The following SH3BP5 variants were observed in gnomAD, a reference collection of about 807,000 sequenced individuals.
The protein encoded by SH3BP5 is SH3 domain-binding protein 5.
SH3BP5 carries 22 observed loss-of-function variants against 43.3 expected under a neutral mutation model. That is an observed-to-expected ratio of 0.51 (90% CI 0.36 to 0.73). The LOEUF (loss-of-function observed/expected upper bound fraction) is 0.73, where lower values mean the gene tolerates loss of function less well. SH3BP5 is among the 30% of genes least tolerant of loss of function. SH3BP5 has a pLI of 0.00. For synonymous variants in SH3BP5, 255 were observed against 225.8 expected (o/e 1.13, Z -1.16); for missense variants, 529 against 586.9 (o/e 0.90, Z 1.02).
chr3:15,332,537 G>C lies in SH3BP5; in HGVS notation c.-129C>G, dbSNP rs114248730. 1,314 of 1,243,880 alleles carry C rather than the reference G, an allele frequency of 1.1e-3. 10 individuals carry two copies. In the African/African-American group the frequency reaches 0.017, roughly 17 times the overall value. The allele number at this position is 1,243,880 out of a possible 1,614,324, so 77.1% of individuals were successfully genotyped here. A position where few individuals can be genotyped will look rare whatever the true frequency, so the allele number is the denominator to read the frequency against. ...CGGGGAGCCGCCGGGGCCGACACCC[G>C]GGAGACGCAGCTCGCCGATGCGGAT... On this transcript the variant is annotated 5_prime_UTR_variant, in exon 1 of 9. Transcript: ENST00000383791.
chr3:15,274,532 C>T (rs1045734841), intron 3 of SH3BP5, among the ~76,000 whole-genome samples: 1 of 151,946 alleles, frequency 6.6e-6, no homozygotes, highest in Non-Finnish European at 1.5e-5. Context: ...CTCACTCTAT[C>T]GCCCAGGCTG....
chr3:15,306,125 G>A (rs1175676068), intron 2 of SH3BP5, among the ~76,000 whole-genome samples: 1 of 151,960 alleles, frequency 6.6e-6, no homozygotes, highest in African/African-American at 2.4e-5. Flanking sequence ...GGGAGGCCGA[G>A]ACGGGTGGAT....
chr3:15,308,562 T>C (rs1273025806), intron 2 of SH3BP5, among the ~76,000 whole-genome samples: 1 of 152,044 alleles, frequency 6.6e-6, no homozygotes. Context: ...AAGGGGGACA[T>C]TCGACCCTCC....
chr3:15,259,900 A>C, intron 5 of SH3BP5, 97 bp from the exon 6 acceptor site: 2 of 1,100,960 alleles, frequency 1.8e-6, no homozygotes, highest in Admixed American at 3.5e-5. Flanking sequence ...ACCACTGGCC[A>C]GGTCGTCCTT....
intron 5 of SH3BP5, chr3:15,260,091 T>C: frequency 2.2e-6 from 1 of 464,158 alleles, no homozygotes; most frequent in Non-Finnish European, 3.9e-6. Flanking sequence ...TTAGCTCATG[T>C]TCCTCCTCTG....
intron 1 of SH3BP5, among the ~76,000 whole-genome samples, chr3:15,340,008 G>A (rs898252634): frequency 2.6e-5 from 4 of 152,126 alleles, no homozygotes; most frequent in Non-Finnish European, 2.9e-5. Flanking sequence ...AAGGAGGAGA[G>A]AATACTTCTG....
chr3:15,323,376 A>G (rs1292600143), intron 2 of SH3BP5, among the ~76,000 whole-genome samples: 2 of 152,154 alleles, frequency 1.3e-5, no homozygotes, highest in African/African-American at 2.4e-5. Context: ...GCCAGGCCCC[A>G]TGGCCAGTTT....
intron 3 of SH3BP5, among the ~76,000 whole-genome samples, chr3:15,287,089 A>C (rs888199497): frequency 1.3e-5 from 2 of 152,160 alleles, no homozygotes; most frequent in Non-Finnish European, 2.9e-5. Context: ...TCACCTGCAA[A>C]ACACAGATAA....
intron 4 of SH3BP5, among the ~76,000 whole-genome samples, chr3:15,263,308 A>C (rs1393298909): frequency 6.6e-6 from 1 of 152,170 alleles, no homozygotes; most frequent in African/African-American, 2.4e-5. Context: ...TGGGAACCTA[A>C]GAGATGGGGA....
In SH3BP5 at chr3:15,256,938, C is replaced by A. The variant is rs746896347; in HGVS notation, c.1065G>T (p.Leu355=). Residue 355 remains leucine (L), a synonymous_variant, in exon 8 of 9, where the codon CTG becomes CTT. Transcript: ENST00000383791. ...GSLDLPSPVS[L]SEFGMMFPVL... is the part of the protein sequence containing the mutation. ...CTGGGAACATCATCCCAAACTCTGA[C>A]AGGGACACAGGGCTGGGCAGATCCA... The A allele has an allele frequency of 1.2e-6, 2 of 1,614,094 alleles. No homozygotes were observed. Among genetic ancestry groups the A allele is most frequent in the Non-Finnish European group, 1.7e-6 (2 of 1,180,040 alleles).
intron 3 of SH3BP5, among the ~76,000 whole-genome samples, chr3:15,301,825 C>A (rs1364339425): frequency 1.3e-5 from 2 of 151,992 alleles, no homozygotes; most frequent in Non-Finnish European, 2.9e-5. Flanking sequence ...AACACAAAGC[C>A]CCCTAGAGCC....
At chr3:15,273,355 TC>T (rs1322119297) in intron 3 of SH3BP5, 3 of 985,294 alleles carry the variant, frequency 3.0e-6, no homozygotes, top group African/African-American at 3.5e-5. Flanking sequence ...CAGCACCTCT[TC>T]ACACCCTCTG....
chr3:15,330,885 A>C (rs746069005), intron 1 of SH3BP5: 1 of 266,988 alleles, frequency 3.7e-6, no homozygotes, highest in Non-Finnish European at 5.8e-6. Context: ...CCTAATCAAA[A>C]CAGTACCATC....
intron 1 of SH3BP5, among the ~76,000 whole-genome samples, chr3:15,339,167 C>T (rs76249472): frequency 0.14 from 21,630 of 152,168 alleles, 1,602 homozygotes; most frequent in Middle Eastern, 0.21. Flanking sequence ...ATTAAAGAGG[C>T]ATCTGTTTAA....
intron 3 of SH3BP5, among the ~76,000 whole-genome samples, chr3:15,270,247 G>A (rs1159133547): frequency 1.3e-5 from 2 of 152,148 alleles, no homozygotes; most frequent in Non-Finnish European, 2.9e-5. Flanking sequence ...CCAGATCTGT[G>A]GCTCAATTCA....
chr3:15,282,654 T>C (rs555796421), intron 3 of SH3BP5, among the ~76,000 whole-genome samples: 18 of 151,068 alleles, frequency 1.2e-4, no homozygotes, highest in African/African-American at 4.4e-4. Context: ...CTGGGGAAAT[T>C]TGAAAAAGGC....
chr3:15,262,343 G>C, intron 4 of SH3BP5, 54 bp from the exon 5 acceptor site: 1 of 1,575,384 alleles, frequency 6.3e-7, no homozygotes, highest in Non-Finnish European at 8.6e-7. Flanking sequence ...CCCAGGCTTG[G>C]AATATTACTT....
intron 2 of SH3BP5, among the ~76,000 whole-genome samples, chr3:15,316,745 C>A (rs992418908): frequency 2.0e-5 from 3 of 151,270 alleles, no homozygotes; most frequent in Non-Finnish European, 4.4e-5. Flanking sequence ...AAAAAAAAGC[C>A]CAAGATACAA....
At chr3:15,282,239 C>T (rs1449731786) in intron 3 of SH3BP5, among the ~76,000 whole-genome samples, 2 of 152,184 alleles carry the variant, frequency 1.3e-5, no homozygotes, top group African/African-American at 4.8e-5. Context: ...GCCTCAGTTA[C>T]AGTACTGAAA....
Sources: allele counts gnomAD v4.1 joint callset (sites outside exome capture counted in the v4.1 genomes callset), GRCh38; gene constraint gnomAD v4.1.1; transcripts MANE v1.5; gene names NCBI Gene and HGNC (gene_info 2026-07-23, HGNC 2026-07-21).